VPS13B: variants seen among roughly 807,000 people sequenced by gnomAD.
VPS13B encodes the protein vacuolar protein sorting 13 homolog B, also known as intermembrane lipid transfer protein VPS13B.
In VPS13B, 285 loss-of-function variants were observed where a neutral mutation model predicts 426.4. That is an observed-to-expected ratio of 0.67 (90% confidence interval 0.61 to 0.74). The LOEUF is 0.74. Among genes scored for constraint, VPS13B ranks in the 30% least tolerant of loss-of-function variants. The pLI is 0.00. For missense variants in VPS13B, 4,537 were observed against 4,782.6 expected, an observed-to-expected ratio of 0.95 and a Z score of 1.51; for synonymous variants, 1,676 against 1,676.4, an observed-to-expected ratio of 1.00 and a Z score of 0.01.
chr8:99,351,431 AGAGAGT>A (rs892094052), intron 19 of VPS13B, among the ~76,000 whole-genome samples: 11 of 147,522 alleles, frequency 7.5e-5, no homozygotes, highest in East Asian at 3.9e-4. Context: ...AGAGAGAGAG[AGAGAGT>A]GTGTGTGTGT....
Position 99,250,664 on chromosome 8 carries a change from C to CTTTTTTTTTTTTT in VPS13B, c.2516-23508_2516-23496dup, listed in dbSNP as rs60698750. ...CTGTCCACTAATCCGTGTGTTTATTCTTTTTTTTTTTTTTTTTTTTTTTTT... is the reference window on the plus strand; with the variant it reads ...CTGTCCACTAATCCGTGTGTTTATTCTTTTTTTTTTTTTTTTTTTTTTTTTTTTTTTTTTTTTT... On this transcript the variant is annotated intron_variant, in intron 17 of 61. Transcript: ENST00000357162. Among the ~76,000 whole-genome samples, 9 of 35,806 alleles carry CTTTTTTTTTTTTT rather than the reference C, an allele frequency of 2.5e-4. 3 individuals carry two copies. Among genetic ancestry groups the CTTTTTTTTTTTTT allele is most frequent in the Admixed American group, 4.8e-4 (1 of 2,090 alleles). 23.5% of individuals were successfully genotyped at this position (35,806 alleles called of 152,430 possible).
At chr8:99,383,271 G>A (rs923129598) in intron 19 of VPS13B, among the ~76,000 whole-genome samples, 4 of 151,966 alleles carry the variant, frequency 2.6e-5, no homozygotes, top group African/African-American at 9.7e-5. Context: ...CTTTGCTTTT[G>A]AACATTAAAA....
chr8:99,431,844 T>G lies in VPS13B; in HGVS notation c.3210+180T>G, dbSNP rs1041554501. Among the ~76,000 whole-genome samples the G allele has an allele frequency of 9.9e-5, 15 of 152,148 alleles. 1 individual carries two copies. The highest frequency in any genetic ancestry group is 1.5e-5 in the Non-Finnish European group (1 of 67,992). On this transcript the variant is annotated intron_variant, in intron 22 of 61. Coordinates refer to ENST00000357162, the MANE Select transcript of VPS13B (RefSeq NM_152564.5). Reference sequence around the variant, plus strand: ...TATCCTAAACATAATTTTATGAAACTCATATGAACTTCCTTATAGTTATAA... The same window carrying G: ...TATCCTAAACATAATTTTATGAAACGCATATGAACTTCCTTATAGTTATAA...
At chr8:99,350,813 A>AATATGAATTATATATG (rs1308218240) in intron 19 of VPS13B, among the ~76,000 whole-genome samples, 1 of 151,530 alleles carries the variant, frequency 6.6e-6, no homozygotes, top group Non-Finnish European at 1.5e-5. Context: ...TATAATATGC[A>AATATGAATTATATATG]ATATGAATTA....
At chr8:99,661,512 A>C in intron 35 of VPS13B, 21 bp downstream of exon 35, 1 of 1,609,982 alleles carries the variant, frequency 6.2e-7, no homozygotes. Flanking sequence ...CATAAAATTT[A>C]CATGTGTGTA....
intron 27 of VPS13B, among the ~76,000 whole-genome samples, chr8:99,504,676 G>T (rs980889915): frequency 6.6e-6 from 1 of 152,114 alleles, no homozygotes; most frequent in Non-Finnish European, 1.5e-5. Flanking sequence ...AAGCTTAGTT[G>T]TTCCCATGTA....
intron 20 of VPS13B, 52 bp downstream of exon 20, chr8:99,384,369 T>C (rs746188085): frequency 5.0e-5 from 70 of 1,392,404 alleles, no homozygotes; most frequent in Non-Finnish European, 6.7e-5. Flanking sequence ...TTCTTATTCA[T>C]TTAGTAGAAT....
chr8:99,363,058 A>G (rs1292859859), intron 19 of VPS13B, among the ~76,000 whole-genome samples: 3 of 152,008 alleles, frequency 2.0e-5, no homozygotes, highest in Non-Finnish European at 4.4e-5. Context: ...GTGGGGTATT[A>G]CTCAAGAAAT....
intron 20 of VPS13B, among the ~76,000 whole-genome samples, chr8:99,387,842 A>G (rs1814213682): frequency 6.6e-6 from 1 of 152,216 alleles, no homozygotes; most frequent in South Asian, 2.1e-4. Context: ...ATTTGTCAGT[A>G]TCTAATAAAA....
chr8:99,748,106 T>A (rs1810191522), intron 39 of VPS13B, among the ~76,000 whole-genome samples: 1 of 152,090 alleles, frequency 6.6e-6, no homozygotes. Flanking sequence ...CCTAAATAGC[T>A]AATTAGGTGT....
chr8:99,706,227 A>C (rs1200718193), intron 36 of VPS13B, among the ~76,000 whole-genome samples: 2 of 152,156 alleles, frequency 1.3e-5, no homozygotes, highest in African/African-American at 4.8e-5. Context: ...AAAATAATAA[A>C]TGTTCCTGGA....
chr8:99,854,165 G>A lies in VPS13B; in HGVS notation c.10776G>A (p.Ser3592=), dbSNP rs547516730. 8 of 1,613,670 alleles carry A rather than the reference G, an allele frequency of 5.0e-6. No homozygotes were observed. The highest frequency in any genetic ancestry group is 3.3e-5 in the Admixed American group (2 of 59,998). The change falls in exon 56 of 62, where the codon TCG becomes TCA. Residue 3592 remains serine, a synonymous_variant. Coordinates refer to ENST00000357162, the MANE Select transcript of VPS13B (RefSeq NM_152564.5). Reference sequence around the variant, plus strand: ...CAGACCACACTCCTCTCTCCTTCTCGGTGTTTGAAAGAGGACCCATCTTCA... The same window carrying A: ...CAGACCACACTCCTCTCTCCTTCTCAGTGTTTGAAAGAGGACCCATCTTCA... ...IASDHTPLSF[S]VFERGPIFTT... is the part of the protein sequence containing the mutation.
chr8:99,022,523 T>C (rs1019604031), intron 2 of VPS13B, among the ~76,000 whole-genome samples: 3 of 152,216 alleles, frequency 2.0e-5, no homozygotes, highest in African/African-American at 7.2e-5. Context: ...TGTATAAATA[T>C]ATAGTCTGTT....
intron 39 of VPS13B, among the ~76,000 whole-genome samples, chr8:99,749,830 G>C (rs374754106): frequency 6.6e-6 from 1 of 151,926 alleles, no homozygotes; most frequent in Non-Finnish European, 1.5e-5. Context: ...GTTCTCCATA[G>C]TAGTTGTACT....
intron 35 of VPS13B, among the ~76,000 whole-genome samples, chr8:99,690,022 A>T (rs138135026): frequency 5.3e-5 from 8 of 152,266 alleles, no homozygotes; most frequent in African/African-American, 1.7e-4. Context: ...TCATCTGTTA[A>T]AATTGCACCT....
At chr8:99,315,317 T>C (rs1221844812) in intron 19 of VPS13B, among the ~76,000 whole-genome samples, 1 of 142,138 alleles carries the variant, frequency 7.0e-6, no homozygotes, top group Non-Finnish European at 1.5e-5. Flanking sequence ...GCTTTGTTAA[T>C]TGTTTTAAAT....
rs1563495222 is a variant in VPS13B, at chr8:99,828,394, G to T, written c.9331-3975G>T. Among the ~76,000 whole-genome samples, 31 of 17,440 alleles carry T rather than the reference G, an allele frequency of 1.8e-3. 11 individuals carry two copies. Among genetic ancestry groups the T allele is most frequent in the East Asian group, 3.8e-3 (2 of 532 alleles). The allele number at this position is 17,440 out of a possible 152,430, so 11.4% of individuals were successfully genotyped here. A position where few individuals can be genotyped will look rare whatever the true frequency, so the allele number is the denominator to read the frequency against. ...ATCAGAGACTAGGATTACAACCACC[G>T]TTTTTTTTTTTTTTTTTTTTTTTTT... On this transcript the variant is annotated intron_variant, in intron 51 of 61. Transcript: ENST00000357162.
In VPS13B at chr8:99,121,320, G is replaced by T. The variant is rs749019850; in HGVS notation, c.1081G>T (p.Asp361Tyr). 1 of 1,614,136 alleles carries T rather than the reference G, an allele frequency of 6.2e-7. No homozygotes were observed. Among genetic ancestry groups the T allele is most frequent in the Admixed American group, 1.7e-5 (1 of 60,030 alleles). ...TGTGCCTGCAATTGTGAGTTATGACGATGGCGAGGAAGACTTTGTTGGGAA... is the reference window on the plus strand; with the variant it reads ...TGTGCCTGCAATTGTGAGTTATGACTATGGCGAGGAAGACTTTGTTGGGAA... The part of the protein sequence containing the change: ...SFVPAIVSYD[D>Y]GEEDFVGNDP... The change falls in exon 8 of 62, where the codon GAT becomes TAT. Residue 361 changes from aspartate (D) to tyrosine (Y), a missense_variant. Coordinates refer to ENST00000357162, the MANE Select transcript of VPS13B (RefSeq NM_152564.5).
chr8:99,323,020 A>C (rs1484043658), intron 19 of VPS13B, among the ~76,000 whole-genome samples: 1 of 152,244 alleles, frequency 6.6e-6, no homozygotes, highest in Non-Finnish European at 1.5e-5. Context: ...AATAATTATC[A>C]CAAGAGAGCC....
Sources: allele counts gnomAD v4.1 joint callset (sites outside exome capture counted in the v4.1 genomes callset), GRCh38; gene constraint gnomAD v4.1.1; transcripts MANE v1.5; gene names NCBI Gene and HGNC (gene_info 2026-07-23, HGNC 2026-07-21).